LOXHD1: variants seen among roughly 807,000 people sequenced by gnomAD.
LOXHD1 encodes the protein lipoxygenase homology domain-containing protein 1.
LOXHD1 carries 205 observed loss-of-function variants against 248.2 expected under a neutral mutation model. The observed-to-expected ratio is 0.83, with a 90% CI of 0.74 to 0.93. LOXHD1 has a LOEUF of 0.93. Ranked by LOEUF, LOXHD1 falls within the 40% of genes least tolerant of loss-of-function variation. The pLI, the probability that LOXHD1 is intolerant of heterozygous loss-of-function variation, is 0.00. For synonymous variants in LOXHD1, 1,113 were observed against 1,162.8 expected (o/e 0.96, Z 0.87); for missense variants, 2,930 against 2,971.6 (o/e 0.99, Z 0.33).
Position 46,524,594 on chromosome 18 carries a change from G to T in LOXHD1, c.4748C>A (p.Thr1583Asn). The T allele has an allele frequency of 6.4e-7, 1 of 1,551,722 alleles. No homozygotes were observed. Among genetic ancestry groups the T allele is most frequent in the Non-Finnish European group, 8.7e-7 (1 of 1,147,008 alleles). The stretch of plus-strand genomic sequence containing the variant: ...GCTGCAGTTGCTGCTGCGGTCCCCA[G>T]TGTACTCCTGTGTGGGAGAGCAGGA... Reference protein sequence around the residue: ...LERLFYEKEYTGDRSSNCSSP... With the variant: ...LERLFYEKEYNGDRSSNCSSP... The change falls in exon 31 of 41, where the codon ACT (threonine) becomes AAT (asparagine). Residue 1583 changes from threonine to asparagine, a missense_variant. Thr to Asn is a moderately conservative substitution (Grantham distance 65). Transcript: ENST00000642948.
intron 37 of LOXHD1, among the ~76,000 whole-genome samples, chr18:46,492,830 C>T (rs375681460): frequency 7.9e-5 from 12 of 152,272 alleles, no homozygotes; most frequent in East Asian, 3.9e-4. Flanking sequence ...ATTGAATGCA[C>T]GTATCACCAA....
chr18:46,536,016 A>C (rs2036294613), intron 26 of LOXHD1, among the ~76,000 whole-genome samples: 1 of 152,212 alleles, frequency 6.6e-6, no homozygotes, highest in South Asian at 2.1e-4. Flanking sequence ...TAGGCAGAGA[A>C]GTCTCTGGAA....
chr18:46,557,914 G>A (rs745602582), intron 20 of LOXHD1: 1 of 1,067,138 alleles, frequency 9.4e-7, no homozygotes, highest in Non-Finnish European at 1.1e-6. Context: ...GCTATGAGCT[G>A]GTGCTGTGCA....
chr18:46,648,532 C>CTAACAT (rs2039062843), intron 2 of LOXHD1, among the ~76,000 whole-genome samples: 1 of 152,174 alleles, frequency 6.6e-6, no homozygotes, highest in South Asian at 2.1e-4. Flanking sequence ...AAATTCCAGT[C>CTAACAT]GTCTGCTAAC....
Position 46,509,666 on chromosome 18 carries a change from T to C in LOXHD1, c.5517+32A>G, listed in dbSNP as rs919777092. The C allele has an allele frequency of 2.7e-6, 4 of 1,483,386 alleles. No individual in the cohort carries two copies. In the African/African-American group the frequency reaches 5.6e-5, roughly 21 times the overall value. 91.9% of individuals were successfully genotyped at this position (1,483,386 alleles called of 1,614,324 possible). ...ACCAGGGGAAGGGGTGGGTGGTGGC[T>C]GGAAGGAAGAGTGAGGGTCTAGACA... On this transcript the variant is annotated intron_variant, in intron 35 of 40. Coordinates refer to ENST00000642948, the MANE Select transcript of LOXHD1 (RefSeq NM_001384474.1).
At chr18:46,593,819 C>A (rs1272453367) in intron 9 of LOXHD1, 59 bp from the exon 10 acceptor site, 1 of 1,530,260 alleles carries the variant, frequency 6.5e-7, no homozygotes, top group Non-Finnish European at 8.9e-7. Flanking sequence ...TTTCATATTA[C>A]CATGGGGAAG....
In LOXHD1 at chr18:46,522,200, G is replaced by A. The variant is rs747431136; in HGVS notation, c.4986C>T (p.Ile1662=). Residue 1662 remains isoleucine (I), a synonymous_variant, in exon 32 of 41, where the codon ATC becomes ATT. Coordinates refer to ENST00000642948, the MANE Select transcript of LOXHD1 (RefSeq NM_001384474.1). ...IGEDDERSKR[I]WLDYPRGKRG... is the part of the protein sequence containing the mutation. The stretch of plus-strand genomic sequence containing the variant: ...TCTTCCCTCGGGGGTAGTCCAACCA[G>A]ATGCGCTTACTACGTTCATCATCCT... The A allele has an allele frequency of 6.4e-7, 1 of 1,551,774 alleles. No individual in the cohort carries two copies. The highest frequency in any genetic ancestry group is 1.2e-5 in the South Asian group (1 of 84,062).
rs1433984656 is a variant in LOXHD1 at position 46,507,574 on chromosome 18, A to T, written c.5656T>A (p.Ser1886Thr). Residue 1886 changes from serine to threonine, a missense_variant, in exon 36 of 41, where the codon TCC becomes ACC. Coordinates refer to ENST00000642948, the MANE Select transcript of LOXHD1 (RefSeq NM_001384474.1). ...IDEEEMMEWT[S>T]YTVAVKTSDI... ...CTGGTCTTAACTGCGACGGTGTAGG[A>T]GGTCCACTCCATCATTTCTTCCTCA... The T allele has an allele frequency of 3.9e-6, 6 of 1,551,706 alleles. No individual in the cohort carries two copies. The highest frequency in any genetic ancestry group is 5.2e-6 in the Non-Finnish European group (6 of 1,146,982).
In LOXHD1 at chr18:46,563,159, T is replaced by A; in HGVS notation, c.2504A>T (p.Tyr835Phe). 1 of 1,539,308 alleles carries A rather than the reference T, an allele frequency of 6.5e-7. No individual in the cohort carries two copies. Among genetic ancestry groups the A allele is most frequent in the Non-Finnish European group, 8.8e-7 (1 of 1,136,490 alleles). Residue 835 changes from tyrosine (Y) to phenylalanine (F), a missense_variant, in exon 18 of 41, where the codon TAC (tyrosine) becomes TTC (phenylalanine). Transcript: ENST00000642948. Reference protein sequence around the residue: ...VGGAGTSARVYMQIYGEKGKT... With the variant: ...VGGAGTSARVFMQIYGEKGKT... The stretch of plus-strand genomic sequence containing the variant: ...GCCTTTCTCTCCATAGATCTGCATG[T>A]AGACTCGGGCACTGGTGCCTGCGCC...
At position 46,541,842 on chromosome 18, in the gene LOXHD1, C is replaced by T. The variant is rs373541883; in HGVS notation, c.3847G>A (p.Glu1283Lys). The change falls in exon 25 of 41, where the codon GAA (glutamate) becomes AAA (lysine). Residue 1283 changes from glutamate (E) to lysine (K), a missense_variant. Transcript: ENST00000642948. ...TCTCTGATGATGGACCCGTCGTCTT[C>T]GTTTTTGGCCAGCCAGCGGCCACAG... ...FPCGRWLAKN[E>K]DDGSIIRDLF... The T allele has an allele frequency of 2.1e-5, 33 of 1,551,576 alleles. No homozygotes were observed. The East Asian group carries it at 3.7e-4, about 17-fold the overall frequency.
intron 37 of LOXHD1, among the ~76,000 whole-genome samples, chr18:46,502,067 GAAAT>G (rs1441503055): frequency 1.3e-5 from 2 of 152,200 alleles, no homozygotes; most frequent in African/African-American, 4.8e-5. Flanking sequence ...TTGCTAGAGA[GAAAT>G]AAACATTTTA....
chr18:46,631,962 T>C (rs1425061463), intron 4 of LOXHD1, among the ~76,000 whole-genome samples: 2 of 152,134 alleles, frequency 1.3e-5, no homozygotes, highest in Non-Finnish European at 2.9e-5. Context: ...AGAGAACAGC[T>C]TTCAGAGCCA....
At chr18:46,622,470 G>A (rs76505885) in intron 4 of LOXHD1, among the ~76,000 whole-genome samples, 11,058 of 152,266 alleles carry the variant, frequency 0.073, 521 homozygotes, top group Non-Finnish European at 0.11. Flanking sequence ...GGCTGGGATT[G>A]GGCCACCGGT....
At chr18:46,649,306 G>GA (rs1445325933) in intron 1 of LOXHD1, 37 bp from the exon 2 acceptor site, 18 of 1,514,124 alleles carry the variant, frequency 1.2e-5, no homozygotes, top group Admixed American at 6.0e-5. Context: ...TGCAGGCTCA[G>GA]AAAAAAACCG....
At chr18:46,544,194 G>T (rs8087413) in intron 23 of LOXHD1, among the ~76,000 whole-genome samples, 23,545 of 152,154 alleles carry the variant, frequency 0.15, 1,982 homozygotes, top group South Asian at 0.24. Context: ...GACAGACCTT[G>T]GTCCAGTGCC....
At chr18:46,531,709 G>A (rs551578671) in intron 28 of LOXHD1, among the ~76,000 whole-genome samples, 14 of 151,824 alleles carry the variant, frequency 9.2e-5, no homozygotes, top group South Asian at 2.1e-4. Context: ...CAGGCCACCC[G>A]GTGCATCCAT....
intron 37 of LOXHD1, among the ~76,000 whole-genome samples, chr18:46,500,483 T>G (rs1387890352): frequency 6.6e-6 from 1 of 152,164 alleles, no homozygotes; most frequent in African/African-American, 2.4e-5. Context: ...TTTTCTCCAT[T>G]CCCACTGCCA....
In LOXHD1 at chr18:46,592,590, G is replaced by A; in HGVS notation, c.1432-6C>T. ...CCAAGATCCGGGAGCTCAATCTATG[G>A]TGAGAAATAAAAACATTTGAGTGGG... On this transcript the variant is annotated splice_region_variant and splice_polypyrimidine_tract_variant and intron_variant, in intron 10 of 40. Transcript: ENST00000642948. The A allele has an allele frequency of 6.5e-7, 1 of 1,550,352 alleles. No individual in the cohort carries two copies. The highest frequency in any genetic ancestry group is 8.7e-7 in the Non-Finnish European group (1 of 1,145,824).
chr18:46,594,260 A>G, intron 9 of LOXHD1, 71 bp downstream of exon 9: 2 of 1,536,152 alleles, frequency 1.3e-6, no homozygotes, highest in Non-Finnish European at 1.8e-6. Context: ...GCTTTTGCCT[A>G]GTGGTCTGAC....
Sources: gnomAD v4.1 joint callset for allele counts (sites outside exome capture counted in the v4.1 genomes callset) on GRCh38, gnomAD v4.1.1 for gene constraint, MANE v1.5 for transcripts, NCBI Gene and HGNC (gene_info 2026-07-23, HGNC 2026-07-21) for gene names.